WDR48: variants seen among roughly 807,000 people sequenced by gnomAD.
The protein encoded by WDR48 is WD repeat-containing protein 48.
A neutral mutation model predicts 94.0 loss-of-function variants in WDR48; 22 were observed. The observed-to-expected ratio is 0.23, with a 90% confidence interval of 0.17 to 0.33. The LOEUF is 0.33. WDR48 is among the 10% of genes least tolerant of loss of function. The pLI, the probability that WDR48 is intolerant of heterozygous loss-of-function variation, is 1.00. For synonymous variants in WDR48, 278 were observed against 280.5 expected (o/e 0.99, Z 0.09); for missense variants, 541 against 813.8 (o/e 0.66, Z 4.08).
At chr3:39,054,882 C>T (rs1021912249) in intron 1 of WDR48, among the ~76,000 whole-genome samples, 4 of 152,150 alleles carry the variant, frequency 2.6e-5, no homozygotes, top group African/African-American at 9.7e-5. Context: ...AGGAAATATG[C>T]ATTTTAAAAG....
intron 11 of WDR48, among the ~76,000 whole-genome samples, chr3:39,083,204 C>T (rs1459356677): frequency 6.6e-6 from 1 of 152,106 alleles, no homozygotes; most frequent in Non-Finnish European, 1.5e-5. Context: ...GGTGAAGAAA[C>T]AGAAAATTTG....
intron 1 of WDR48, among the ~76,000 whole-genome samples, chr3:39,060,909 G>A (rs2033217511): frequency 6.6e-6 from 1 of 152,222 alleles, no homozygotes; most frequent in Admixed American, 6.5e-5. Context: ...AGAGGATGTA[G>A]TAAGCCAAGA....
intron 11 of WDR48, among the ~76,000 whole-genome samples, chr3:39,081,985 A>G (rs1652354735): frequency 6.6e-6 from 1 of 152,218 alleles, no homozygotes; most frequent in Non-Finnish European, 1.5e-5. Context: ...TTTTTTAGGA[A>G]CATTGGCTTG....
chr3:39,091,530 T>C (rs1027655728), intron 16 of WDR48, 95 bp from the exon 17 acceptor site: 2 of 916,036 alleles, frequency 2.2e-6, no homozygotes, highest in South Asian at 3.8e-5. Context: ...AATTGTAAGA[T>C]AATTATTACT....
chr3:39,078,475 G>C lies in WDR48; in HGVS notation c.1075+236G>C, dbSNP rs1456373083. On this transcript the variant is annotated intron_variant, in intron 10 of 18. Transcript: ENST00000302313. ...GCTCTGTCACCCAGGCTGGACTGCA[G>C]TGACGGGATCTTGGCTCACTGCAAC... is the stretch of plus-strand genomic sequence containing the variant. Among the ~76,000 whole-genome samples, 6 of 151,980 alleles carry C rather than the reference G, an allele frequency of 3.9e-5. No individual in the cohort carries two copies. In the East Asian group the frequency reaches 1.2e-3, roughly 30 times the overall value.
chr3:39,081,067 A>G (rs1055415828), intron 11 of WDR48, among the ~76,000 whole-genome samples: 2 of 152,170 alleles, frequency 1.3e-5, no homozygotes, highest in Non-Finnish European at 2.9e-5. Context: ...TTGTTAGTGT[A>G]TGTAATGGGA....
At chr3:39,078,100 G>C in intron 9 of WDR48, 37 bp from the exon 10 acceptor site, 1 of 1,484,854 alleles carries the variant, frequency 6.7e-7, no homozygotes, top group South Asian at 1.2e-5. Context: ...AGCTTGTAGA[G>C]CATAACATGA....
rs1356102485 is a variant in WDR48 at position 39,069,013 on chromosome 3, GCAT to G, written c.570+158_570+160del. On this transcript the variant is annotated intron_variant, in intron 6 of 18. Transcript: ENST00000302313. ...CTGTCACCCAGGTTGGGGTGCAGTG[GCAT>G]CATGATCCTGGCTCACTGCAGCCTT... Among the ~76,000 whole-genome samples the G allele has an allele frequency of 5.9e-5, 9 of 152,286 alleles. No individual in the cohort carries two copies. The South Asian group carries it at 1.7e-3, about 28-fold the overall frequency.
chr3:39,054,727 T>C (rs1407013876), intron 1 of WDR48, among the ~76,000 whole-genome samples: 1 of 152,232 alleles, frequency 6.6e-6, no homozygotes, highest in Non-Finnish European at 1.5e-5. Flanking sequence ...CTGGCTCATT[T>C]ATAAAGAAAA....
At chr3:39,088,256 G>T (rs769706550) in intron 15 of WDR48, 23 bp downstream of exon 15, 1 of 1,609,440 alleles carries the variant, frequency 6.2e-7, no homozygotes, top group Non-Finnish European at 8.5e-7. Context: ...AAGACAAGAG[G>T]TTCTGCCTGA....
chr3:39,091,828 T>C, intron 17 of WDR48, 127 bp downstream of exon 17: 3 of 851,342 alleles, frequency 3.5e-6, no homozygotes, highest in Non-Finnish European at 5.1e-6. Flanking sequence ...TCAAAGTTTA[T>C]ACAATTAAAC....
Position 39,071,643 on chromosome 3 carries a change from A to G in WDR48, c.672+1899A>G, listed in dbSNP as rs79874671. Among the ~76,000 whole-genome samples the G allele has an allele frequency of 7.2e-5, 11 of 152,354 alleles. No individual in the cohort carries two copies. In the East Asian group the frequency reaches 2.1e-3, roughly 29 times the overall value. On this transcript the variant is annotated intron_variant, in intron 7 of 18. Transcript: ENST00000302313. ...AGCTACAGTCATTGTAAGCAGAGGA[A>G]ATATTGTGGTTCTACTTTAAAAACT...
At position 39,088,129 on chromosome 3, in the gene WDR48, A is replaced by C; in HGVS notation, c.1476A>C (p.Val492=). The C allele has an allele frequency of 1.2e-6, 2 of 1,614,072 alleles. No homozygotes were observed. Among genetic ancestry groups the C allele is most frequent in the Non-Finnish European group, 8.5e-7 (1 of 1,179,932 alleles). The change falls in exon 15 of 19, where the codon GTA becomes GTC. Residue 492 remains valine, a splice_region_variant and synonymous_variant. Transcript: ENST00000302313. ...MDEEENEVNH[V]NGEQENRVQK... is the part of the protein sequence containing the mutation. ...AACACCACCTGCATCTTTTCCTAGT[A>C]AATGGGGAGCAGGAGAACCGAGTGC...
chr3:39,054,992 C>A (rs899110693), intron 1 of WDR48, among the ~76,000 whole-genome samples: 3 of 152,184 alleles, frequency 2.0e-5, no homozygotes, highest in African/African-American at 7.2e-5. Flanking sequence ...ATATGCACAA[C>A]TTTGTATTTT....
intron 1 of WDR48, among the ~76,000 whole-genome samples, chr3:39,056,029 C>T (rs949088518): frequency 7.2e-5 from 11 of 152,148 alleles, no homozygotes; most frequent in Non-Finnish European, 1.2e-4. Flanking sequence ...TTTCTATAGC[C>T]AGACATTTTA....
chr3:39,085,033 C>G (rs1294425823), intron 13 of WDR48, among the ~76,000 whole-genome samples: 1 of 152,128 alleles, frequency 6.6e-6, no homozygotes, highest in Non-Finnish European at 1.5e-5. Flanking sequence ...CGAGACCATC[C>G]TGGCTAACAC....
chr3:39,089,370 A>G (rs774677584), intron 16 of WDR48, 52 bp downstream of exon 16: 2 of 1,515,442 alleles, frequency 1.3e-6, no homozygotes, highest in South Asian at 1.2e-5. Flanking sequence ...TAACTCATGA[A>G]ATTAAGAACT....
chr3:39,062,370 C>G (rs2125640945), intron 1 of WDR48, among the ~76,000 whole-genome samples: 1 of 152,288 alleles, frequency 6.6e-6, no homozygotes, highest in Non-Finnish European at 1.5e-5. Flanking sequence ...CAGTTGATCC[C>G]CTGTTTTCAC....
intron 5 of WDR48, among the ~76,000 whole-genome samples, chr3:39,067,213 C>T (rs17038390): frequency 0.033 from 5,011 of 152,316 alleles, 281 homozygotes; most frequent in African/African-American, 0.11. Flanking sequence ...CAAATCCATA[C>T]ACTCAGCAGG....
Sources: allele counts gnomAD v4.1 joint callset (sites outside exome capture counted in the v4.1 genomes callset), GRCh38; gene constraint gnomAD v4.1.1; transcripts MANE v1.5; gene names NCBI Gene and HGNC (gene_info 2026-07-23, HGNC 2026-07-21).